The following ZNF665 variants were observed in gnomAD, a reference collection of about 807,000 sequenced individuals.
ZNF665 encodes the protein zinc finger protein 665.
In ZNF665, 6 loss-of-function variants were observed where a neutral mutation model predicts 7.9. The observed-to-expected ratio is 0.76, with a 90% confidence interval of 0.42 to 1.50. ZNF665 has a LOEUF of 1.50. Among genes scored for constraint, ZNF665 ranks in the 40% most tolerant of loss-of-function variants. The pLI, the probability that ZNF665 is intolerant of heterozygous loss-of-function variation, is 0.01. For synonymous variants in ZNF665, 242 were observed against 274.5 expected (o/e 0.88, Z 1.17); for missense variants, 819 against 806.7 (o/e 1.02, Z -0.18).
chr19:53,164,508 T>C lies in ZNF665; in HGVS notation c.1982A>G (p.Lys661Arg), dbSNP rs1004158068. 2 of 1,610,644 alleles carry C rather than the reference T, an allele frequency of 1.2e-6. No homozygotes were observed. Among genetic ancestry groups the C allele is most frequent in the Non-Finnish European group, 8.5e-7 (1 of 1,178,622 alleles). ...DKPYKCNQCG[K>R]VFTQNSNLAK... ...AAGGTTTGAATTTTGAGTAAAGACC[T>C]TGCCACATTGGTTACATTTGTAAGG... is the stretch of plus-strand genomic sequence containing the variant. Residue 661 changes from lysine (K) to arginine (R), a missense_variant, in exon 4 of 4, where the codon AAG (lysine) becomes AGG (arginine). Transcript: ENST00000396424.
intron 2 of ZNF665, among the ~76,000 whole-genome samples, chr19:53,180,166 C>T (rs572229185): frequency 1.7e-4 from 26 of 152,098 alleles, no homozygotes; most frequent in Non-Finnish European, 3.4e-4. Flanking sequence ...GGTGTGGTGG[C>T]TCACACCTGT....
chr19:53,183,841 A>G (rs1156400629), intron 1 of ZNF665, among the ~76,000 whole-genome samples: 1 of 152,140 alleles, frequency 6.6e-6, no homozygotes, highest in Non-Finnish European at 1.5e-5. Flanking sequence ...AAGGGGCCTG[A>G]GTGGCTGGAG....
chr19:53,178,212 T>C (rs1353074215), intron 2 of ZNF665, among the ~76,000 whole-genome samples: 1 of 152,220 alleles, frequency 6.6e-6, no homozygotes, highest in Non-Finnish European at 1.5e-5. Flanking sequence ...GAAGAATTCA[T>C]TTATGTAACG....
intron 1 of ZNF665, among the ~76,000 whole-genome samples, chr19:53,184,328 C>T (rs190338872): frequency 1.3e-3 from 201 of 152,258 alleles, no homozygotes; most frequent in African/African-American, 2.4e-3. Flanking sequence ...ATTTTTAACT[C>T]GCAAATAATG....
intron 2 of ZNF665, 108 bp from the exon 3 acceptor site, chr19:53,175,679 G>C: frequency 2.8e-5 from 35 of 1,235,752 alleles, no homozygotes; most frequent in Non-Finnish European, 3.9e-5. Flanking sequence ...CACGTAAGCA[G>C]ACTGACACAT....
At chr19:53,182,613 T>C in intron 2 of ZNF665, 1 of 762,806 alleles carries the variant, frequency 1.3e-6, no homozygotes, top group South Asian at 1.5e-5. Context: ...CCAACAGCAC[T>C]GACACCACGG....
chr19:53,169,891 C>T (rs1383267728), intron 3 of ZNF665, among the ~76,000 whole-genome samples: 1 of 144,686 alleles, frequency 6.9e-6, no homozygotes, highest in Non-Finnish European at 1.5e-5. Flanking sequence ...GCATAGTATT[C>T]CATGGTGTAT....
chr19:53,165,100 C>G lies in ZNF665; in HGVS notation c.1390G>C (p.Gly464Arg). ...GEKPYKCNDC[G>R]KVFTQNSHLA... ...TGTGAATTTTGTGTGAAGACCTTAC[C>G]GCAGTCATTACATTTGTAAGGCTTT... Residue 464 changes from glycine to arginine, a missense_variant, in exon 4 of 4, where the codon GGT (glycine) becomes CGT (arginine). Physicochemically the swap from Gly to Arg is moderately radical, Grantham distance 125. Transcript: ENST00000396424. 1 of 1,613,956 alleles carries G rather than the reference C, an allele frequency of 6.2e-7. No individual in the cohort carries two copies. Among genetic ancestry groups the G allele is most frequent in the Non-Finnish European group, 8.5e-7 (1 of 1,180,010 alleles).
intron 1 of ZNF665, among the ~76,000 whole-genome samples, chr19:53,184,932 GGAGA>G (rs1405121386): frequency 6.6e-6 from 1 of 152,000 alleles, no homozygotes; most frequent in Non-Finnish European, 1.5e-5. Flanking sequence ...GAGAGAGAGA[GGAGA>G]AAGAGAGAAA....
intron 3 of ZNF665, among the ~76,000 whole-genome samples, chr19:53,172,824 C>CAA (rs66604312): frequency 9.7e-5 from 8 of 82,676 alleles, no homozygotes; most frequent in African/African-American, 3.1e-4. Flanking sequence ...GATTCTGTCT[C>CAA]AAAAAAAAAA....
chr19:53,170,658 T>C (rs968429550), intron 3 of ZNF665, among the ~76,000 whole-genome samples: 2 of 152,246 alleles, frequency 1.3e-5, no homozygotes, highest in African/African-American at 4.8e-5. Flanking sequence ...ATTTTCTTTA[T>C]CCATTCATCT....
chr19:53,174,982 A>AG (rs927967832), intron 3 of ZNF665, among the ~76,000 whole-genome samples: 48 of 151,658 alleles, frequency 3.2e-4, no homozygotes, highest in African/African-American at 8.7e-4. Context: ...AAAGAAAGAA[A>AG]AAAAAAAAGA....
At chr19:53,182,758 G>T in intron 2 of ZNF665, 126 bp downstream of exon 2, 1 of 1,473,524 alleles carries the variant, frequency 6.8e-7, no homozygotes, top group Non-Finnish European at 9.5e-7. Flanking sequence ...ACTGAGGGAA[G>T]GCACGAGTGA....
intron 3 of ZNF665, among the ~76,000 whole-genome samples, chr19:53,167,759 G>C (rs1002544575): frequency 2.0e-5 from 3 of 148,424 alleles, no homozygotes; most frequent in African/African-American, 7.4e-5. Flanking sequence ...AATTTCTCTT[G>C]AGAAAAGAGG....
In ZNF665 at chr19:53,164,793, C is replaced by T; in HGVS notation, c.1697G>A (p.Gly566Asp). The T allele has an allele frequency of 6.2e-7, 1 of 1,614,182 alleles. No individual in the cohort carries two copies. The highest frequency in any genetic ancestry group is 1.7e-4 in the Middle Eastern group (1 of 6,060). The change falls in exon 4 of 4, where the codon GGT (glycine) becomes GAT (aspartate). Residue 566 changes from glycine to aspartate, a missense_variant. Gly to Asp is a moderately conservative substitution (Grantham distance 94). Coordinates refer to ENST00000396424, the MANE Select transcript of ZNF665 (RefSeq NM_024733.5). ...CTCATTACACTTATAAGGTTTCTCA[C>T]CAGTGTGAATTCTCTGATGAATTGC... ...YLAIHQRIHT[G>D]EKPYKCNECG...
intron 3 of ZNF665, among the ~76,000 whole-genome samples, chr19:53,173,300 G>C (rs529573336): frequency 7.1e-6 from 1 of 140,788 alleles, no homozygotes; most frequent in South Asian, 2.2e-4. Flanking sequence ...AACTGTCCTT[G>C]TTTTAATTGT....
At chr19:53,169,009 G>A (rs968074265) in intron 3 of ZNF665, among the ~76,000 whole-genome samples, 6 of 151,854 alleles carry the variant, frequency 4.0e-5, no homozygotes, top group African/African-American at 1.5e-4. Context: ...CCAACATGAG[G>A]AAAAATCTGT....
intron 3 of ZNF665, among the ~76,000 whole-genome samples, chr19:53,172,973 T>C (rs1043652190): frequency 6.6e-6 from 1 of 152,068 alleles, no homozygotes; most frequent in Non-Finnish European, 1.5e-5. Context: ...AAATTGCAAA[T>C]ACTTTCTCAC....
chr19:53,183,242 G>A (rs1198192921), intron 1 of ZNF665, among the ~76,000 whole-genome samples: 2 of 152,128 alleles, frequency 1.3e-5, no homozygotes, highest in Admixed American at 1.3e-4. Flanking sequence ...GCTTCTGTTC[G>A]GGGCACAGAC....
Sources: gnomAD v4.1 joint callset for allele counts (sites outside exome capture counted in the v4.1 genomes callset) on GRCh38, gnomAD v4.1.1 for gene constraint, MANE v1.5 for transcripts, NCBI Gene and HGNC (gene_info 2026-07-23, HGNC 2026-07-21) for gene names.